The following GTF2E2 variants were observed in gnomAD, a reference collection of about 807,000 sequenced individuals.
The protein encoded by GTF2E2 is transcription initiation factor IIE subunit beta.
Under a neutral mutation model 40.5 loss-of-function variants are expected in GTF2E2, and 21 were observed. The observed-to-expected ratio is 0.52, with a 90% confidence interval of 0.37 to 0.75. GTF2E2 has a LOEUF of 0.75. Ranked by LOEUF, GTF2E2 falls within the 30% of genes least tolerant of loss-of-function variation. The pLI is 0.00. For missense variants in GTF2E2, 298 were observed against 338.4 expected (o/e 0.88, Z 0.94); for synonymous variants, 117 against 121.6 (o/e 0.96, Z 0.25).
intron 2 of GTF2E2, among the ~76,000 whole-genome samples, chr8:30,641,320 G>A (rs1037455910): frequency 1.3e-5 from 2 of 152,124 alleles, no homozygotes; most frequent in Non-Finnish European, 2.9e-5. Flanking sequence ...CTTTGGAGGT[G>A]GCCTATGGTG....
chr8:30,599,098 A>G (rs574795782), intron 6 of GTF2E2, among the ~76,000 whole-genome samples: 17 of 152,378 alleles, frequency 1.1e-4, no homozygotes, highest in African/African-American at 3.8e-4. Context: ...ACATGAAGAA[A>G]TAAGATTCCT....
At chr8:30,637,528 A>G (rs1240685300) in intron 2 of GTF2E2, among the ~76,000 whole-genome samples, 1 of 93,396 alleles carries the variant, frequency 1.1e-5, no homozygotes, top group Non-Finnish European at 2.4e-5. Flanking sequence ...TATTTATTTT[A>G]TTTTATTTTA....
chr8:30,625,245 C>G (rs1161850143), intron 3 of GTF2E2, among the ~76,000 whole-genome samples: 3 of 151,882 alleles, frequency 2.0e-5, no homozygotes, highest in African/African-American at 7.3e-5. Context: ...TTGTCAAAGG[C>G]CTTTTCTGCA....
At chr8:30,630,695 CCAAA>C (rs558055405) in intron 3 of GTF2E2, among the ~76,000 whole-genome samples, 3 of 152,180 alleles carry the variant, frequency 2.0e-5, no homozygotes, top group Non-Finnish European at 4.4e-5. Flanking sequence ...CTCCAGGGAC[CCAAA>C]CAAACAGACA....
intron 6 of GTF2E2, among the ~76,000 whole-genome samples, chr8:30,580,818 A>C (rs1309626905): frequency 6.6e-6 from 1 of 152,096 alleles, no homozygotes; most frequent in Non-Finnish European, 1.5e-5. Flanking sequence ...TTTCACATGG[A>C]AATGAGGTTA....
chr8:30,630,833 C>T (rs780985047), intron 3 of GTF2E2, among the ~76,000 whole-genome samples: 34 of 151,924 alleles, frequency 2.2e-4, no homozygotes, highest in Non-Finnish European at 4.1e-4. Context: ...ATATTTTGGC[C>T]CCTGCTGGAA....
At chr8:30,597,025 T>A (rs1287111812) in intron 6 of GTF2E2, 1 of 152,326 alleles carries the variant, frequency 6.6e-6, no homozygotes, top group Non-Finnish European at 1.5e-5. Flanking sequence ...CTTACACCGA[T>A]CTCCAGTGTC....
chr8:30,651,690 C>T lies in GTF2E2; in HGVS notation c.166+1743G>A, dbSNP rs569487986. 8.4e-4 allele frequency among the ~76,000 whole-genome samples: 128 copies of T among 152,226 alleles called. 2 individuals carry two copies. In the South Asian group the frequency reaches 0.017, roughly 20 times the overall value. On this transcript the variant is annotated intron_variant, in intron 2 of 7. Coordinates refer to ENST00000355904, the MANE Select transcript of GTF2E2 (RefSeq NM_002095.6). ...ATTGATTTATAGATTCAATTCAATC[C>T]CTATGGAAATCCCAGCAGGCTTTTT...
chr8:30,613,492 G>C (rs1027896022), intron 4 of GTF2E2, among the ~76,000 whole-genome samples: 1 of 152,182 alleles, frequency 6.6e-6, no homozygotes, highest in Non-Finnish European at 1.5e-5. Context: ...CCTGAAAGGA[G>C]AAAGAGAAGA....
At chr8:30,586,336 G>A (rs897406413) in intron 6 of GTF2E2, among the ~76,000 whole-genome samples, 3 of 152,030 alleles carry the variant, frequency 2.0e-5, no homozygotes, top group Non-Finnish European at 4.4e-5. Context: ...TGTCCACAAC[G>A]TAATCCCCAG....
At chr8:30,633,639 G>A (rs559502744) in intron 3 of GTF2E2, among the ~76,000 whole-genome samples, 1 of 152,274 alleles carries the variant, frequency 6.6e-6, no homozygotes, top group African/African-American at 2.4e-5. Flanking sequence ...GGGAAGTGAA[G>A]ACCATATTAA....
At position 30,578,819 on chromosome 8, in the gene GTF2E2, A is replaced by G; in HGVS notation, c.*102T>C. ...TGTAAACTGAACTGCTCCTCTCCTC[A>G]GCCGCAAGAAGCAGATAGGAAGACA... On this transcript the variant is annotated 3_prime_UTR_variant, in exon 8 of 8. Coordinates refer to ENST00000355904, the MANE Select transcript of GTF2E2 (RefSeq NM_002095.6). 3 of 728,806 alleles carry G rather than the reference A, an allele frequency of 4.1e-6. No homozygotes were observed. Among genetic ancestry groups the G allele is most frequent in the Admixed American group, 3.9e-5 (2 of 51,862 alleles). The allele number at this position is 728,806 out of a possible 1,614,324, so 45.1% of individuals were successfully genotyped here.
chr8:30,581,555 T>C (rs1266273667), intron 6 of GTF2E2, among the ~76,000 whole-genome samples: 1 of 152,240 alleles, frequency 6.6e-6, no homozygotes, highest in African/African-American at 2.4e-5. Flanking sequence ...AGGTGACCAA[T>C]GGCAAAAGTG....
chr8:30,614,547 T>C (rs1800856156), intron 4 of GTF2E2, 61 bp downstream of exon 4: 2 of 847,200 alleles, frequency 2.4e-6, no homozygotes, highest in Non-Finnish European at 3.8e-6. Flanking sequence ...GACTCTGTCT[T>C]AAAAAAAAAA....
chr8:30,640,581 C>A (rs551541594), intron 2 of GTF2E2, among the ~76,000 whole-genome samples: 37 of 152,174 alleles, frequency 2.4e-4, no homozygotes, highest in African/African-American at 8.7e-4. Context: ...ATTGTTTTAC[C>A]TTTTTTTATA....
At chr8:30,592,963 G>A (rs1585941347) in intron 6 of GTF2E2, among the ~76,000 whole-genome samples, 1 of 152,196 alleles carries the variant, frequency 6.6e-6, no homozygotes, top group Non-Finnish European at 1.5e-5. Context: ...CACTTTGGGA[G>A]GCTGAGGCAG....
At chr8:30,639,105 T>C (rs892129385) in intron 2 of GTF2E2, among the ~76,000 whole-genome samples, 1 of 152,226 alleles carries the variant, frequency 6.6e-6, no homozygotes, top group Admixed American at 6.5e-5. Flanking sequence ...ATAAGAAAGT[T>C]TGTTATATTT....
intron 6 of GTF2E2, among the ~76,000 whole-genome samples, chr8:30,587,371 C>A (rs570768898): frequency 6.6e-6 from 1 of 151,966 alleles, no homozygotes; most frequent in Non-Finnish European, 1.5e-5. Context: ...TGAGATCATG[C>A]CGCTGCATTA....
At chr8:30,606,341 CTT>C (rs1283705641) in intron 6 of GTF2E2, among the ~76,000 whole-genome samples, 1 of 152,166 alleles carries the variant, frequency 6.6e-6, no homozygotes, top group Non-Finnish European at 1.5e-5. Flanking sequence ...AAAAGGAAAA[CTT>C]AAGGTTACTG....
Sources: gnomAD v4.1 joint callset for allele counts (sites outside exome capture counted in the v4.1 genomes callset) on GRCh38, gnomAD v4.1.1 for gene constraint, MANE v1.5 for transcripts, NCBI Gene and HGNC (gene_info 2026-07-23, HGNC 2026-07-21) for gene names.